Variants in MBP observed in about 807,000 individuals in gnomAD.
MBP encodes the protein myelin basic protein, also known as Golli-MBP.
In MBP, 16 loss-of-function variants were observed where a neutral mutation model predicts 35.8. The ratio of observed to expected loss-of-function variants is 0.45; its 90% CI spans 0.30 to 0.68. MBP has a LOEUF of 0.68. MBP is among the 30% of genes least tolerant of loss of function. The pLI is 0.08. For missense variants in MBP, 380 were observed against 404.7 expected, an observed-to-expected ratio of 0.94 and a Z score of 0.52; for synonymous variants, 143 against 159.6, an observed-to-expected ratio of 0.90 and a Z score of 0.78.
intron 3 of MBP, among the ~76,000 whole-genome samples, chr18:77,062,174 C>T (rs1974009497): frequency 1.3e-5 from 2 of 152,220 alleles, no homozygotes; most frequent in South Asian, 2.1e-4. Context: ...CTCCTCTCCT[C>T]CCTTAGTATA....
At chr18:76,984,547 G>A (rs569982859) in intron 8 of MBP, 62 of 565,156 alleles carry the variant, frequency 1.1e-4, no homozygotes, top group Admixed American at 4.6e-4. Context: ...CAGCCCAGGC[G>A]CAGCCCTTCC....
At chr18:77,033,785 T>TCCAC (rs1972634343) in intron 3 of MBP, among the ~76,000 whole-genome samples, 1 of 144,374 alleles carries the variant, frequency 6.9e-6, no homozygotes, top group Non-Finnish European at 1.5e-5. Context: ...CATCCATCCA[T>TCCAC]CCATCCATCC....
chr18:77,074,357 A>G (rs1468125617), intron 2 of MBP, among the ~76,000 whole-genome samples: 1 of 151,810 alleles, frequency 6.6e-6, no homozygotes, highest in Non-Finnish European at 1.5e-5. Flanking sequence ...AAGGGGGTTC[A>G]GTGAGCCTGG....
chr18:76,998,285 A>G lies in MBP; in HGVS notation c.577-8225T>C, dbSNP rs115724918. 2.4e-3 allele frequency among the ~76,000 whole-genome samples: 372 copies of G among 152,242 alleles called. 1 individual carries two copies. The highest frequency in any genetic ancestry group is 8.5e-3 in the African/African-American group (352 of 41,558). ...CTGTTCTCTGCGGACGGCTTGGTGC[A>G]CTTACCGCAGTGCCCTCCAGGCGCC... On this transcript the variant is annotated intron_variant, in intron 4 of 8. Transcript: ENST00000355994.
chr18:76,984,902 A>T lies in MBP; in HGVS notation c.751-8T>A. The T allele has an allele frequency of 6.2e-7, 1 of 1,612,768 alleles. No homozygotes were observed. Among genetic ancestry groups the T allele is most frequent in the Non-Finnish European group, 8.5e-7 (1 of 1,179,972 alleles). ...TCTCTGGCCTTCGGCCCCCTGCAAG[A>T]GAAGACCACGGAGCTCAACCTCCAC... On this transcript the variant is annotated splice_polypyrimidine_tract_variant and splice_region_variant and intron_variant, in intron 7 of 8. Coordinates refer to ENST00000355994, the MANE Select transcript of MBP (RefSeq NM_001025101.2).
At chr18:76,985,774 G>T in intron 7 of MBP, 4 of 995,478 alleles carry the variant, frequency 4.0e-6, no homozygotes, top group Non-Finnish European at 3.6e-6. Flanking sequence ...TACGCAATGG[G>T]GCTGTGCGAG....
At chr18:77,081,324 A>G (rs1440182157) in intron 2 of MBP, among the ~76,000 whole-genome samples, 1 of 152,268 alleles carries the variant, frequency 6.6e-6, no homozygotes, top group Non-Finnish European at 1.5e-5. Context: ...TCATGTATCC[A>G]GAATATGTAA....
intron 1 of MBP, among the ~76,000 whole-genome samples, chr18:77,106,334 C>T (rs2145141625): frequency 6.6e-6 from 1 of 152,304 alleles, no homozygotes; most frequent in South Asian, 2.1e-4. Context: ...TCCCATGTTA[C>T]CGGGGTCCCT....
intron 1 of MBP, among the ~76,000 whole-genome samples, chr18:77,120,808 T>C (rs1427703217): frequency 6.6e-6 from 1 of 152,186 alleles, no homozygotes; most frequent in Non-Finnish European, 1.5e-5. Context: ...CCTGTGTGTG[T>C]GCAATCGGTA....
chr18:77,034,858 G>A (rs1421215609), intron 3 of MBP, among the ~76,000 whole-genome samples: 15 of 152,198 alleles, frequency 9.9e-5, no homozygotes, highest in Admixed American at 6.5e-5. Context: ...CAGGGCCCCC[G>A]TGCACCATTA....
intron 7 of MBP, chr18:76,987,490 T>C (rs776972242): frequency 5.1e-5 from 50 of 985,550 alleles, no homozygotes; most frequent in Non-Finnish European, 4.1e-5. Context: ...TCAAGTACCC[T>C]GCCCCTTCCT....
intron 2 of MBP, among the ~76,000 whole-genome samples, chr18:77,084,739 A>C (rs1975153534): frequency 6.6e-6 from 1 of 152,188 alleles, no homozygotes; most frequent in African/African-American, 2.4e-5. Flanking sequence ...ATACAAAGAA[A>C]TGTGCTCAGA....
At chr18:77,068,909 CAA>C (rs1974316224) in intron 2 of MBP, 1 of 456,176 alleles carries the variant, frequency 2.2e-6, no homozygotes, top group Admixed American at 2.4e-5. Context: ...TTTGGGAGGA[CAA>C]AGAGCAGCAG....
chr18:77,017,325 A>C lies in MBP; in HGVS notation c.140-57T>G, dbSNP rs1381569203. Reference sequence around the variant, plus strand: ...CTGTGCAAAGCTGAGCACCGGACAAAGCAGCTTTCTCTGAGGGGTCTTGAC... The same window carrying C: ...CTGTGCAAAGCTGAGCACCGGACAACGCAGCTTTCTCTGAGGGGTCTTGAC... On this transcript the variant is annotated intron_variant, in intron 3 of 8. Transcript: ENST00000355994. 4 of 1,447,534 alleles carry C rather than the reference A, an allele frequency of 2.8e-6. No homozygotes were observed. The Admixed American group carries it at 9.6e-5, about 35-fold the overall frequency. The allele number at this position is 1,447,534 out of a possible 1,614,324, so 89.7% of individuals were successfully genotyped here.
chr18:76,986,699 G>A (rs971232681), intron 7 of MBP: 2 of 985,550 alleles, frequency 2.0e-6, no homozygotes, highest in Non-Finnish European at 2.4e-6. Flanking sequence ...TGATGGCAGA[G>A]GGCAGGTTGC....
chr18:77,129,172 T>A (rs1442381387), intron 1 of MBP, among the ~76,000 whole-genome samples: 2 of 152,238 alleles, frequency 1.3e-5, no homozygotes, highest in African/African-American at 4.8e-5. Context: ...CTCACATAGG[T>A]CTGTTTCTCC....
chr18:77,105,779 C>A (rs1044283392), intron 1 of MBP, among the ~76,000 whole-genome samples: 8 of 152,286 alleles, frequency 5.3e-5, no homozygotes, highest in African/African-American at 1.7e-4. Context: ...ACAGAAAGAG[C>A]CAACATTAGA....
chr18:77,026,445 G>T (rs981070918), intron 3 of MBP, among the ~76,000 whole-genome samples: 83 of 151,484 alleles, frequency 5.5e-4, no homozygotes, highest in African/African-American at 2.0e-3. Context: ...CTCCACGAAG[G>T]CAATCACACT....
upstream of MBP, chr18:77,132,984 C>G (rs576412971): frequency 6.6e-6 from 1 of 152,134 alleles, no homozygotes. Flanking sequence ...GGGGCCCACG[C>G]GCAGGGTCAG....
Sources: allele counts gnomAD v4.1 joint callset (sites outside exome capture counted in the v4.1 genomes callset), GRCh38; gene constraint gnomAD v4.1.1; transcripts MANE v1.5; gene names NCBI Gene and HGNC (gene_info 2026-07-23, HGNC 2026-07-21).